Variants in PITRM1 observed in about 807,000 individuals in gnomAD.
PITRM1 encodes pitrilysin metallopeptidase 1.
PITRM1 carries 100 observed loss-of-function variants against 129.9 expected under a neutral mutation model. The ratio of observed to expected loss-of-function variants is 0.77; its 90% CI spans 0.65 to 0.91. PITRM1 has a LOEUF of 0.91. PITRM1 is among the 40% of genes least tolerant of loss of function. The probability of loss-of-function intolerance (pLI) is 0.00; values close to 1 mark genes in which losing one functional copy is unlikely to be tolerated. For missense variants in PITRM1, 1,471 were observed against 1,318.3 expected, an observed-to-expected ratio of 1.12 and a Z score of -1.79; for synonymous variants, 591 against 508.8, an observed-to-expected ratio of 1.16 and a Z score of -2.17.
rs1458676528 is a variant in PITRM1 at position 3,145,502 on chromosome 10, A to T, written c.2457+94T>A. 92 of 1,064,310 alleles carry T rather than the reference A, an allele frequency of 8.6e-5. 2 individuals are homozygous for T. In the South Asian group the frequency reaches 1.3e-3, roughly 15 times the overall value. The allele number at this position is 1,064,310 out of a possible 1,614,324, so 65.9% of individuals were successfully genotyped here. A position where few individuals can be genotyped will look rare whatever the true frequency, so the allele number is the denominator to read the frequency against. Reference sequence around the variant, plus strand: ...GGGGATATGAACCCCCACATGCTGGACTGCTCTGAGAATTGAGTTAATGCG... The same window carrying T: ...GGGGATATGAACCCCCACATGCTGGTCTGCTCTGAGAATTGAGTTAATGCG... On this transcript the variant is annotated intron_variant, in intron 21 of 26. Coordinates refer to ENST00000224949, the MANE Select transcript of PITRM1 (RefSeq NM_014889.4).
At chr10:3,151,988 C>G (rs1426427600) in intron 14 of PITRM1, among the ~76,000 whole-genome samples, 1 of 152,098 alleles carries the variant, frequency 6.6e-6, no homozygotes, top group African/African-American at 2.4e-5. Flanking sequence ...CTCAAGTGAT[C>G]CTCCCACCTT....
chr10:3,138,169 G>C (rs1351581632), intron 26 of PITRM1, 45 bp from the exon 27 acceptor site: 9 of 1,569,362 alleles, frequency 5.7e-6, no homozygotes, highest in Admixed American at 1.7e-5. Context: ...GCTTCTGCGT[G>C]AGCGCTGTTA....
At position 3,155,743 on chromosome 10, in the gene PITRM1, A is replaced by C. The variant is rs376498874; in HGVS notation, c.1483-14T>G. ...ATGCTGGTTATTCTGCAGCAATCAC[A>C]GCAACAACAAAAGCCAAGTGAAAAC... is the stretch of plus-strand genomic sequence containing the variant. On this transcript the variant is annotated splice_polypyrimidine_tract_variant and intron_variant, in intron 13 of 26. Transcript: ENST00000224949. 1.9e-6 allele frequency: 3 copies of C among 1,613,162 alleles called. No homozygotes were observed. The highest frequency in any genetic ancestry group is 2.7e-5 in the African/African-American group (2 of 74,916).
chr10:3,143,748 C>CA (rs1246140637), intron 22 of PITRM1: 3 of 692,618 alleles, frequency 4.3e-6, no homozygotes, highest in Admixed American at 4.1e-5. Context: ...TGAAGTCCTC[C>CA]AATCTTGACG....
chr10:3,171,170 A>C lies in PITRM1; in HGVS notation c.57-964T>G, dbSNP rs1483495747. Among the ~76,000 whole-genome samples, 59 of 140,646 alleles carry C rather than the reference A, an allele frequency of 4.2e-4. 2 individuals are homozygous for C. In the East Asian group the frequency reaches 0.011, roughly 26 times the overall value. 92.3% of individuals were successfully genotyped at this position (140,646 alleles called of 152,430 possible). A position where few individuals can be genotyped will look rare whatever the true frequency, so the allele number is the denominator to read the frequency against. ...ATTAAAAAAAAAAAAAAAAAAAAAA[A>C]AAAAAAAAAAAAAACCTTACCAATA... On this transcript the variant is annotated intron_variant, in intron 1 of 26. Coordinates refer to ENST00000224949, the MANE Select transcript of PITRM1 (RefSeq NM_014889.4).
chr10:3,140,815 G>A lies in PITRM1; in HGVS notation c.2646-3C>T, dbSNP rs2131810766. The A allele has an allele frequency of 5.7e-6, 9 of 1,572,952 alleles. No homozygotes were observed. Among genetic ancestry groups the A allele is most frequent in the East Asian group, 4.6e-5 (2 of 43,590 alleles). On this transcript the variant is annotated splice_polypyrimidine_tract_variant and splice_region_variant and intron_variant, in intron 23 of 26. Transcript: ENST00000224949. ...TCAAACGTGCAAGGATTTTAAGACT[G>A]AAATGATTAAAAAATGCAAGTTAAT...
chr10:3,145,944 A>T, intron 20 of PITRM1: 1 of 522,990 alleles, frequency 1.9e-6, no homozygotes, highest in Non-Finnish European at 3.4e-6. Context: ...AGCCGTCCAT[A>T]CGCGGAGCCT....
intron 14 of PITRM1, 111 bp downstream of exon 14, chr10:3,155,480 C>A: frequency 7.4e-7 from 1 of 1,354,446 alleles, no homozygotes; most frequent in Non-Finnish European, 1.0e-6. Context: ...TGGCGCCCAG[C>A]GGACACCTGT....
intron 6 of PITRM1, among the ~76,000 whole-genome samples, chr10:3,164,883 A>C (rs1312199145): frequency 6.6e-6 from 1 of 152,230 alleles, no homozygotes; most frequent in African/African-American, 2.4e-5. Context: ...CTCTGTATGC[A>C]GCTCGCTGTG....
chr10:3,165,567 A>G (rs1471903663), intron 4 of PITRM1, 40 bp from the exon 5 acceptor site: 1 of 1,145,286 alleles, frequency 8.7e-7, no homozygotes, highest in South Asian at 1.3e-5. Flanking sequence ...AATATAACAG[A>G]TTTCTACTAA....
chr10:3,166,841 T>C, intron 3 of PITRM1, 95 bp downstream of exon 3: 1 of 690,578 alleles, frequency 1.4e-6, no homozygotes, highest in Non-Finnish European at 2.5e-6. Flanking sequence ...AGACAGTTGT[T>C]CTTCTTCCAT....
At chr10:3,138,751 G>A (rs1028989649) in intron 25 of PITRM1, 153 bp downstream of exon 25, 33 of 818,294 alleles carry the variant, frequency 4.0e-5, no homozygotes, top group African/African-American at 1.8e-4. Flanking sequence ...GTCAGGAAGC[G>A]TGTTTAGGGT....
chr10:3,165,640 G>C, intron 4 of PITRM1, 113 bp from the exon 5 acceptor site: 1 of 694,074 alleles, frequency 1.4e-6, no homozygotes, highest in Non-Finnish European at 2.5e-6. Flanking sequence ...AGCTATTCTT[G>C]GGATGGGGCA....
rs1162896078 is a variant in PITRM1, at chr10:3,160,765, G to T, written c.792-435C>A. Among the ~76,000 whole-genome samples, 737 of 147,508 alleles carry T rather than the reference G, an allele frequency of 5.0e-3. 9 individuals carry two copies. The highest frequency in any genetic ancestry group is 0.012 in the African/African-American group (468 of 40,136). ...ACCACCACACTTGGTTTTGGTGGGG[G>T]GTTTTTTTTTTTGAGATGGAGTCTC... On this transcript the variant is annotated intron_variant, in intron 7 of 26. Transcript: ENST00000224949.
At chr10:3,159,105 T>C (rs1842223699) in intron 9 of PITRM1, 63 bp from the exon 10 acceptor site, 3 of 1,402,598 alleles carry the variant, frequency 2.1e-6, no homozygotes, top group South Asian at 1.3e-5. Context: ...TACTGGCCCT[T>C]ATGCACATTT....
At chr10:3,156,882 T>C (rs755321553) in intron 13 of PITRM1, 48 bp downstream of exon 13, 20 of 1,290,766 alleles carry the variant, frequency 1.5e-5, no homozygotes, top group African/African-American at 9.1e-5. Flanking sequence ...TTCATTAGTA[T>C]AAAATTCAAC....
rs1235395426 is a variant in PITRM1 at position 3,172,744 on chromosome 10, A to T, written c.29T>A (p.Leu10Gln). Reference sequence around the variant, plus strand: ...GCCGCTCAGCCGCCTCAGCACACACAGGCCCTGCCGCCCGCCGCAGCGCCA... The same window carrying T: ...GCCGCTCAGCCGCCTCAGCACACACTGGCCCTGCCGCCCGCCGCAGCGCCA... MWRCGGRQG[L>Q]CVLRRLSGGH... The change falls in exon 1 of 27, where the codon CTG (leucine) becomes CAG (glutamine). Residue 10 changes from leucine (L) to glutamine (Q), a missense_variant. Physicochemically the swap from Leu to Gln is moderately radical, Grantham distance 113 (BLOSUM62 -2). Transcript: ENST00000224949. 6.5e-7 allele frequency: 1 copy of T among 1,545,326 alleles called. No individual in the cohort carries two copies. The highest frequency in any genetic ancestry group is 2.5e-5 in the East Asian group (1 of 40,736).
chr10:3,156,850 AGATT>A (rs907872461), intron 13 of PITRM1, 76 bp downstream of exon 13: 33 of 910,292 alleles, frequency 3.6e-5, no homozygotes, highest in Non-Finnish European at 5.1e-5. Context: ...TTAAATGTAT[AGATT>A]ATGTTCCTAA....
At chr10:3,164,087 A>C in intron 6 of PITRM1, 1 of 333,482 alleles carries the variant, frequency 3.0e-6, no homozygotes, top group South Asian at 5.0e-5. Flanking sequence ...TTCATCACCC[A>C]CGCACAGGAC....
Sources: gnomAD v4.1 joint callset for allele counts (sites outside exome capture counted in the v4.1 genomes callset) on GRCh38, gnomAD v4.1.1 for gene constraint, MANE v1.5 for transcripts, NCBI Gene and HGNC (gene_info 2026-07-23, HGNC 2026-07-21) for gene names.